Variants in PNO1 observed in about 807,000 individuals in gnomAD.
PNO1 encodes the protein partner of NOB1 homolog, also known as RNA-binding protein PNO1.
In PNO1, 16 loss-of-function variants were observed where a neutral mutation model predicts 28.4. The ratio of observed to expected loss-of-function variants is 0.56; its 90% CI spans 0.38 to 0.85. The LOEUF is 0.85. Ranked by LOEUF, PNO1 falls within the 40% of genes least tolerant of loss-of-function variation. The probability of loss-of-function intolerance (pLI) is 0.00; values close to 1 mark genes in which losing one functional copy is unlikely to be tolerated. For missense variants in PNO1, 304 were observed against 312.2 expected (o/e 0.97, Z 0.20); for synonymous variants, 115 against 110.8 (o/e 1.04, Z -0.24).
intron 2 of PNO1, among the ~76,000 whole-genome samples, chr2:68,159,333 C>T (rs1345612673): frequency 6.6e-6 from 1 of 151,738 alleles, no homozygotes; most frequent in Non-Finnish European, 1.5e-5. Flanking sequence ...GTGGCATGAT[C>T]TTGGCTCACT....
Position 68,158,239 on chromosome 2 carries a change from C to A in PNO1, c.207+98C>A. ...ATGTTGAAGCTGCGGTGGGGCTGTT[C>A]TGCCGTGATGCTCAGAGAGAAGTGA... On this transcript the variant is annotated intron_variant, in intron 1 of 6. Transcript: ENST00000263657. 3.6e-6 allele frequency: 5 copies of A among 1,393,924 alleles called. No individual in the cohort carries two copies. The South Asian group carries it at 5.4e-5, about 15-fold the overall frequency. 86.3% of individuals were successfully genotyped at this position (1,393,924 alleles called of 1,614,324 possible). A position where few individuals can be genotyped will look rare whatever the true frequency, so the allele number is the denominator to read the frequency against.
At chr2:68,164,081 C>G (rs1673912059) in intron 5 of PNO1, among the ~76,000 whole-genome samples, 1 of 152,196 alleles carries the variant, frequency 6.6e-6, no homozygotes, top group South Asian at 2.1e-4. Context: ...CCCTCTTTAC[C>G]TGAAGCCAGG....
In PNO1 at chr2:68,175,027, A is replaced by G. The variant is rs1558623181; in HGVS notation, c.*225A>G. The stretch of plus-strand genomic sequence containing the variant: ...AAAAATTGATTGTTATACTTAACAC[A>G]TTAGGTATAATTTATCATTTATCTG... On this transcript the variant is annotated 3_prime_UTR_variant, in exon 7 of 7. Transcript: ENST00000263657. The G allele has an allele frequency of 7.2e-6, 3 of 419,008 alleles. No individual in the cohort carries two copies. Among genetic ancestry groups the G allele is most frequent in the Non-Finnish European group, 8.6e-6 (2 of 233,256 alleles). 26.0% of individuals were successfully genotyped at this position (419,008 alleles called of 1,614,324 possible).
intron 2 of PNO1, 172 bp from the exon 3 acceptor site, chr2:68,161,511 A>G: frequency 3.4e-6 from 2 of 593,054 alleles, no homozygotes; most frequent in Non-Finnish European, 6.1e-6. Context: ...TTGTTTTGCA[A>G]ATAAAGTACA....
At chr2:68,171,650 A>C (rs569063993) in intron 5 of PNO1, among the ~76,000 whole-genome samples, 13 of 152,298 alleles carry the variant, frequency 8.5e-5, no homozygotes, top group African/African-American at 3.1e-4. Flanking sequence ...AAGCACAAAG[A>C]TCTTGAGTTG....
chr2:68,174,961 G>A lies in PNO1; in HGVS notation c.*159G>A, dbSNP rs569674763. 1 of 524,736 alleles carries A rather than the reference G, an allele frequency of 1.9e-6. No homozygotes were observed. The highest frequency in any genetic ancestry group is 1.9e-5 in the African/African-American group (1 of 52,764). The allele number at this position is 524,736 out of a possible 1,614,324, so 32.5% of individuals were successfully genotyped here. A position where few individuals can be genotyped will look rare whatever the true frequency, so the allele number is the denominator to read the frequency against. Reference sequence around the variant, plus strand: ...GCATAAACAGAAAAGAAAGATTTAAGAGGATTCACACTCAACAGGTTTTAG... The same window carrying A: ...GCATAAACAGAAAAGAAAGATTTAAAAGGATTCACACTCAACAGGTTTTAG... On this transcript the variant is annotated 3_prime_UTR_variant, in exon 7 of 7. Coordinates refer to ENST00000263657, the MANE Select transcript of PNO1 (RefSeq NM_020143.4).
Position 68,174,865 on chromosome 2 carries a change from G to A in PNO1, c.*63G>A, listed in dbSNP as rs1461509117. 9.6e-6 allele frequency: 10 copies of A among 1,038,416 alleles called. No homozygotes were observed. The highest frequency in any genetic ancestry group is 2.7e-5 in the South Asian group (2 of 73,372). 64.3% of individuals were successfully genotyped at this position (1,038,416 alleles called of 1,614,324 possible). A position where few individuals can be genotyped will look rare whatever the true frequency, so the allele number is the denominator to read the frequency against. ...TGGTGAAAAATACTTTACAGTGGTC[G>A]GTCACAAGAAACCAGCTGAACAATT... On this transcript the variant is annotated 3_prime_UTR_variant, in exon 7 of 7. Coordinates refer to ENST00000263657, the MANE Select transcript of PNO1 (RefSeq NM_020143.4).
At chr2:68,165,386 A>AAC (rs1403318792) in intron 5 of PNO1, among the ~76,000 whole-genome samples, 10,041 of 84,252 alleles carry the variant, frequency 0.12, 638 homozygotes, top group Middle Eastern at 0.24. Context: ...AAAACAACAA[A>AAC]AAAAAAAAAA....
In PNO1 at chr2:68,175,014, T is replaced by G; in HGVS notation, c.*212T>G. 2.5e-6 allele frequency: 1 copy of G among 397,478 alleles called. No individual in the cohort carries two copies. The highest frequency in any genetic ancestry group is 4.1e-6 in the Non-Finnish European group (1 of 242,182). 24.6% of individuals were successfully genotyped at this position (397,478 alleles called of 1,614,324 possible). On this transcript the variant is annotated 3_prime_UTR_variant, in exon 7 of 7. Coordinates refer to ENST00000263657, the MANE Select transcript of PNO1 (RefSeq NM_020143.4). ...TAATTTAAATATCAAAAATTGATTG[T>G]TATACTTAACACATTAGGTATAATT...
At chr2:68,170,747 CAAAA>C (rs767088135) in intron 5 of PNO1, among the ~76,000 whole-genome samples, 232 of 61,080 alleles carry the variant, frequency 3.8e-3, no homozygotes, top group Non-Finnish European at 5.9e-3. Context: ...GACTCCGTCT[CAAAA>C]AAAAAAAAAA....
chr2:68,171,119 T>G (rs1208000127), intron 5 of PNO1, among the ~76,000 whole-genome samples: 4 of 152,230 alleles, frequency 2.6e-5, no homozygotes, highest in African/African-American at 9.6e-5. Flanking sequence ...GGTGAAATAC[T>G]GTGACTGCCT....
chr2:68,170,604 C>T (rs867526685), intron 5 of PNO1, among the ~76,000 whole-genome samples: 5 of 151,858 alleles, frequency 3.3e-5, no homozygotes, highest in African/African-American at 7.3e-5. Context: ...AAAAATTAGT[C>T]GGGCGTGGTG....
intron 5 of PNO1, among the ~76,000 whole-genome samples, chr2:68,163,564 C>G (rs1008188364): frequency 6.6e-6 from 1 of 150,852 alleles, no homozygotes; most frequent in Admixed American, 6.6e-5. Flanking sequence ...TACATACATA[C>G]ATACATACAT....
intron 5 of PNO1, among the ~76,000 whole-genome samples, chr2:68,172,882 G>T (rs1674167047): frequency 1.3e-5 from 2 of 152,022 alleles, no homozygotes; most frequent in South Asian, 2.1e-4. Context: ...ACAATTCTTT[G>T]TCTTTTCTAA....
At chr2:68,165,306 G>A (rs1479367848) in intron 5 of PNO1, among the ~76,000 whole-genome samples, 2 of 147,648 alleles carry the variant, frequency 1.4e-5, no homozygotes, top group African/African-American at 5.0e-5. Context: ...GGAGCTTGCA[G>A]TGAGCCGAGA....
intron 2 of PNO1, among the ~76,000 whole-genome samples, chr2:68,159,955 C>CA (rs1387881505): frequency 1.2e-4 from 17 of 139,966 alleles, no homozygotes; most frequent in East Asian, 6.2e-4. Context: ...CTTCAAAAAA[C>CA]AAAAAAAAAT....
chr2:68,172,860 TTTCTTTTTCAAACAA>T (rs1674165993), intron 5 of PNO1, among the ~76,000 whole-genome samples: 1 of 152,174 alleles, frequency 6.6e-6, no homozygotes, highest in Admixed American at 6.5e-5. Flanking sequence ...TTCACAAATT[TTTCTTTTTCAAACAA>T]TTCTTTGTCT....
intron 5 of PNO1, among the ~76,000 whole-genome samples, chr2:68,168,967 C>T (rs1401603830): frequency 2.3e-5 from 3 of 132,348 alleles, no homozygotes; most frequent in African/African-American, 8.2e-5. Context: ...CTCCCTCTAT[C>T]GCCAAGGCTG....
intron 5 of PNO1, among the ~76,000 whole-genome samples, chr2:68,164,730 A>G (rs1378593629): frequency 1.3e-5 from 2 of 152,112 alleles, no homozygotes; most frequent in African/African-American, 4.8e-5. Context: ...CAAGGATGTC[A>G]AGACCACAGT....
Sources: allele counts gnomAD v4.1 joint callset (sites outside exome capture counted in the v4.1 genomes callset), GRCh38; gene constraint gnomAD v4.1.1; transcripts MANE v1.5; gene names NCBI Gene and HGNC (gene_info 2026-07-23, HGNC 2026-07-21).